Variants in CCDC148 observed in about 807,000 individuals in gnomAD.
CCDC148 encodes coiled-coil domain containing 148.
Under a neutral mutation model 85.7 loss-of-function variants are expected in CCDC148, and 89 were observed. The observed-to-expected ratio is 1.04, with a 90% CI of 0.87 to 1.24. The LOEUF (loss-of-function observed/expected upper bound fraction) is 1.24. CCDC148 is among the 50% of genes most tolerant of loss of function. The probability of loss-of-function intolerance (pLI) is 0.00; values close to 1 mark genes in which losing one functional copy is unlikely to be tolerated. For synonymous variants in CCDC148, 230 were observed against 213.9 expected (o/e 1.08, Z -0.66); for missense variants, 692 against 671.7 (o/e 1.03, Z -0.33).
intron 1 of CCDC148, among the ~76,000 whole-genome samples, chr2:158,364,960 T>G (rs1684132492): frequency 6.6e-6 from 1 of 151,974 alleles, no homozygotes; most frequent in Admixed American, 6.6e-5. Context: ...TTAAACAAAT[T>G]TACAAGAAAA....
chr2:158,294,855 G>A (rs988663814), intron 9 of CCDC148, among the ~76,000 whole-genome samples: 7 of 146,630 alleles, frequency 4.8e-5, no homozygotes, highest in African/African-American at 1.5e-4. Flanking sequence ...CTGCCAAAAT[G>A]TTGCACAAAG....
chr2:158,258,810 T>C (rs146945210), intron 9 of CCDC148, among the ~76,000 whole-genome samples: 2 of 151,960 alleles, frequency 1.3e-5, no homozygotes, highest in East Asian at 3.9e-4. Context: ...CTTTACTGAA[T>C]ATTTTCAAAA....
At chr2:158,423,867 C>T (rs1449360893) in intron 1 of CCDC148, among the ~76,000 whole-genome samples, 2 of 37,240 alleles carry the variant, frequency 5.4e-5, no homozygotes, top group African/African-American at 7.9e-5. Context: ...AACAAATTTA[C>T]AAGAAAAAAA....
At chr2:158,201,990 G>T (rs1310670731) in intron 11 of CCDC148, among the ~76,000 whole-genome samples, 2 of 152,126 alleles carry the variant, frequency 1.3e-5, no homozygotes, top group Admixed American at 6.6e-5. Context: ...GCATAACAAA[G>T]TGTGTGTGTG....
rs1686193411 is a variant in CCDC148 at position 158,410,062 on chromosome 2, C to T, written c.25+46353G>A. Among the ~76,000 whole-genome samples the T allele has an allele frequency of 2.0e-5, 3 of 152,086 alleles. No individual in the cohort carries two copies. In the South Asian group the frequency reaches 6.2e-4, roughly 32 times the overall value. ...GTGAGTCCATTAAAATTATTTTTTC[C>T]CTAGTCTTAGGTACGTCTTTATCAG... On this transcript the variant is annotated intron_variant, in intron 1 of 13. Transcript: ENST00000283233.
At chr2:158,199,670 C>G (rs1055100313) in intron 11 of CCDC148, among the ~76,000 whole-genome samples, 7 of 152,116 alleles carry the variant, frequency 4.6e-5, no homozygotes, top group African/African-American at 7.2e-5. Flanking sequence ...AACTTGGAGT[C>G]ATTTTAACTC....
chr2:158,364,509 C>T (rs1228924413), intron 1 of CCDC148, among the ~76,000 whole-genome samples: 5 of 152,128 alleles, frequency 3.3e-5, no homozygotes. Flanking sequence ...TAATGCCACA[C>T]ATCTAAAACC....
intron 1 of CCDC148, among the ~76,000 whole-genome samples, chr2:158,364,145 T>A (rs1684095201): frequency 6.6e-6 from 1 of 152,156 alleles, no homozygotes; most frequent in Non-Finnish European, 1.5e-5. Flanking sequence ...AAACCACTAC[T>A]CAAGGAAGTA....
intron 11 of CCDC148, among the ~76,000 whole-genome samples, chr2:158,187,244 A>G (rs937400113): frequency 2.6e-5 from 4 of 151,840 alleles, no homozygotes; most frequent in African/African-American, 7.3e-5. Context: ...CTATAAATCT[A>G]GTTGCTGCTA....
At chr2:158,219,851 G>A (rs567182253) in intron 11 of CCDC148, among the ~76,000 whole-genome samples, 5 of 152,238 alleles carry the variant, frequency 3.3e-5, no homozygotes, top group Admixed American at 6.5e-5. Context: ...AGTTCCAAAC[G>A]TGTTTCTTCC....
chr2:158,280,324 A>G (rs1252057611), intron 9 of CCDC148, among the ~76,000 whole-genome samples: 3 of 152,238 alleles, frequency 2.0e-5, no homozygotes, highest in East Asian at 3.8e-4. Flanking sequence ...TAAAAGACAC[A>G]GACTGGCAAA....
At chr2:158,186,587 T>G (rs377348272) in intron 11 of CCDC148, among the ~76,000 whole-genome samples, 1 of 152,058 alleles carries the variant, frequency 6.6e-6, no homozygotes, top group Non-Finnish European at 1.5e-5. Flanking sequence ...CCTCTACATA[T>G]AAATTTATTC....
intron 1 of CCDC148, among the ~76,000 whole-genome samples, chr2:158,375,947 CTTG>C (rs1485300331): frequency 3.3e-5 from 5 of 152,118 alleles, no homozygotes; most frequent in Non-Finnish European, 7.4e-5. Flanking sequence ...TCCCTCTGGA[CTTG>C]TTGTATTGAG....
At chr2:158,341,397 C>T (rs909699600) in intron 3 of CCDC148, among the ~76,000 whole-genome samples, 4 of 151,538 alleles carry the variant, frequency 2.6e-5, no homozygotes, top group Admixed American at 2.6e-4. Flanking sequence ...ACCTCCATCT[C>T]CTGAGTTCAA....
intron 7 of CCDC148, among the ~76,000 whole-genome samples, chr2:158,328,105 A>G (rs1037510436): frequency 9.5e-4 from 144 of 151,860 alleles, no homozygotes; most frequent in African/African-American, 3.3e-3. Context: ...ATGTTGGTGT[A>G]CTGCACCCAA....
At chr2:158,451,849 T>C (rs1174938732) in intron 1 of CCDC148, among the ~76,000 whole-genome samples, 2 of 152,144 alleles carry the variant, frequency 1.3e-5, no homozygotes, top group African/African-American at 2.4e-5. Context: ...ATATCTGTTT[T>C]CTTTTGTTGT....
chr2:158,218,946 A>G (rs1687029767), intron 11 of CCDC148, among the ~76,000 whole-genome samples: 1 of 152,344 alleles, frequency 6.6e-6, no homozygotes, highest in Middle Eastern at 3.4e-3. Flanking sequence ...AGGAATGCTT[A>G]GCATCTATTT....
chr2:158,322,602 A>T (rs1692572318), intron 7 of CCDC148, among the ~76,000 whole-genome samples: 2 of 152,090 alleles, frequency 1.3e-5, no homozygotes. Context: ...TAACAAATAG[A>T]ATTATTTCTG....
intron 1 of CCDC148, among the ~76,000 whole-genome samples, chr2:158,440,330 A>G (rs1034865790): frequency 2.0e-5 from 3 of 152,192 alleles, no homozygotes; most frequent in Non-Finnish European, 4.4e-5. Flanking sequence ...TTTGGGACCC[A>G]GCAATATCAA....
Sources: gnomAD v4.1 joint callset for allele counts (sites outside exome capture counted in the v4.1 genomes callset) on GRCh38, gnomAD v4.1.1 for gene constraint, MANE v1.5 for transcripts, NCBI Gene and HGNC (gene_info 2026-07-23, HGNC 2026-07-21) for gene names.